EMG1: variants seen among roughly 807,000 people sequenced by gnomAD.
EMG1 encodes the protein ribosomal RNA small subunit methyltransferase NEP1.
In EMG1, 24 loss-of-function variants were observed where a neutral mutation model predicts 26.9. That is an observed-to-expected ratio of 0.89 (90% CI 0.65 to 1.26). The LOEUF (loss-of-function observed/expected upper bound fraction) is 1.26, where lower values mean the gene tolerates loss of function less well. Ranked by LOEUF, EMG1 falls within the 50% of genes most tolerant of loss-of-function variation. The pLI, the probability that EMG1 is intolerant of heterozygous loss-of-function variation, is 0.00. For missense variants in EMG1, 299 were observed against 307.6 expected (o/e 0.97, Z 0.21); for synonymous variants, 140 against 112.6 (o/e 1.24, Z -1.54).
Position 6,975,791 on chromosome 12 carries a change from A to G in EMG1, c.717A>G (p.Glu239=), listed in dbSNP as rs782030358. ...TCAKLTTAFE[E]VWGVI ...CAAAACTTACCACAGCCTTTGAGGA[A>G]GTATGGGGGGTCATTTGACAGTAGT... is the stretch of plus-strand genomic sequence containing the variant. Residue 239 remains glutamate (E), a synonymous_variant, in exon 6 of 6, where the codon GAA becomes GAG. Coordinates refer to ENST00000599672, the MANE Select transcript of EMG1 (RefSeq NM_006331.8). 1 of 1,607,810 alleles carries G rather than the reference A, an allele frequency of 6.2e-7. No individual in the cohort carries two copies. The highest frequency in any genetic ancestry group is 1.1e-5 in the South Asian group (1 of 90,956).
downstream of EMG1, among the ~76,000 whole-genome samples, chr12:6,983,822 C>G (rs1260157886): frequency 1.3e-5 from 2 of 152,160 alleles, no homozygotes; most frequent in Non-Finnish European, 2.9e-5. Context: ...TATTGCCAGA[C>G]ATTTTCTCTT....
At chr12:6,982,388 G>C (rs1472149224), downstream of EMG1, among the ~76,000 whole-genome samples, 1 of 152,120 alleles carries the variant, frequency 6.6e-6, no homozygotes, top group Non-Finnish European at 1.5e-5. Flanking sequence ...GTCTTGCCTT[G>C]AAGTGACTCT....
rs1310150365 is a variant in EMG1, at chr12:6,977,929, G to A, written c.*2120G>A. On this transcript the variant is annotated 3_prime_UTR_variant, in exon 6 of 6. Coordinates refer to ENST00000599672, the MANE Select transcript of EMG1 (RefSeq NM_006331.8). The surrounding 1 kb of genome is among the most constrained non-coding windows in gnomAD (Gnocchi z 4.5). Reference sequence around the variant, plus strand: ...TAGAGATGGAAAGCAGACCCAAGGCGGAGCTGGAGACCGTGTGCGCACGAG... The same window carrying A: ...TAGAGATGGAAAGCAGACCCAAGGCAGAGCTGGAGACCGTGTGCGCACGAG... 3.7e-5 allele frequency: 25 copies of A among 673,192 alleles called. No individual in the cohort carries two copies. Among genetic ancestry groups the A allele is most frequent in the East Asian group, 2.2e-4 (8 of 35,726 alleles). 41.7% of individuals were successfully genotyped at this position (673,192 alleles called of 1,614,324 possible).
At chr12:6,997,423 GTGTGTT>G (rs1946647056) in exon 8 of EMG1, 1 of 145,988 alleles carries the variant, frequency 6.8e-6, no homozygotes, top group African/African-American at 2.8e-5. Context: ...GTGTGTGTGT[GTGTGTT>G]TCAAGACACA....
Position 6,987,447 on chromosome 12 carries a change from A to G in EMG1, c.*155-335A>G, listed in dbSNP as rs1946540546. 6.6e-6 allele frequency among the ~76,000 whole-genome samples: 1 copy of G among 152,234 alleles called. No homozygotes were observed. The highest frequency in any genetic ancestry group is 1.5e-5 in the Non-Finnish European group (1 of 68,024). On this transcript the variant is annotated intron_variant and NMD_transcript_variant, in intron 6 of 7. Coordinates refer to the EMG1 transcript ENST00000261406. This position sits in a 1 kb window ranked among gnomAD's most constrained non-coding sequence, Gnocchi z 4.1. ...GAGCAAGGAAATAGGATCAAGTCTCATATATTTCACATGGGCAGAAATTTG... is the reference window on the plus strand; with the variant it reads ...GAGCAAGGAAATAGGATCAAGTCTCGTATATTTCACATGGGCAGAAATTTG...
chr12:6,981,039 T>G (rs1391679854), downstream of EMG1: 4 of 1,608,446 alleles, frequency 2.5e-6, no homozygotes, highest in Non-Finnish European at 3.4e-6. Context: ...CAATCAGCTC[T>G]CCCTGCACCA....
downstream of EMG1, among the ~76,000 whole-genome samples, chr12:6,988,773 T>C (rs139176842): frequency 8.6e-3 from 1,312 of 152,222 alleles, 14 homozygotes; most frequent in African/African-American, 0.03. Flanking sequence ...AGCTTGGAGA[T>C]TGGGGTTGAT....
downstream of EMG1, among the ~76,000 whole-genome samples, chr12:6,992,043 T>A (rs1372302990): frequency 6.6e-6 from 1 of 151,772 alleles, no homozygotes; most frequent in Non-Finnish European, 1.5e-5. Context: ...AATACAAAAA[T>A]TAGCTGGGTG....
intron 1 of EMG1, among the ~76,000 whole-genome samples, chr12:6,973,240 T>A (rs1946354019): frequency 6.6e-6 from 1 of 152,098 alleles, no homozygotes; most frequent in Admixed American, 6.6e-5. Context: ...CAGTCTTGGC[T>A]CACTGCAATC....
Position 6,975,739 on chromosome 12 carries a change from AC to A in EMG1, c.670del (p.Leu224PhefsTer34). On this transcript the variant is annotated frameshift_variant, in exon 6 of 6. Transcript: ENST00000599672. LOFTEE classifies it high-confidence loss of function. ...GAGAAGATGGTGTCCATCAGTAACT[AC>A]CCCCTTTCTGCTGCCCTCACCTGTG... ...YTEKMVSISNYPLSAALTCAK... is the reference protein window; with the variant it reads ...YTEKMVSISNXPLSAALTCAK... 1 of 1,613,546 alleles carries A rather than the reference AC, an allele frequency of 6.2e-7. No homozygotes were observed. Among genetic ancestry groups the A allele is most frequent in the Middle Eastern group, 1.7e-4 (1 of 6,056 alleles).
At position 6,978,362 on chromosome 12, in the gene EMG1, T is replaced by C; in HGVS notation, c.*2553T>C. On this transcript the variant is annotated 3_prime_UTR_variant, in exon 6 of 6. Transcript: ENST00000599672. ...TCACCGGGCCACCCAGGCGTTGGTG[T>C]TGATGTTGAATGAGGCAATGGTGCC... 6.2e-7 allele frequency: 1 copy of C among 1,612,444 alleles called. No individual in the cohort carries two copies. Among genetic ancestry groups the C allele is most frequent in the African/African-American group, 1.3e-5 (1 of 74,844 alleles).
At chr12:6,985,897 C>T in intron 6 of EMG1, among the ~76,000 whole-genome samples, 1 of 151,374 alleles carries the variant, frequency 6.6e-6, no homozygotes. Flanking sequence ...GCTTCAGCCT[C>T]CCAAGTAGCT....
chr12:6,996,058 TCTCA>T (rs1946633425), intron 7 of EMG1, among the ~76,000 whole-genome samples: 1 of 152,156 alleles, frequency 6.6e-6, no homozygotes, highest in South Asian at 2.1e-4. Flanking sequence ...AGGCCTCTAT[TCTCA>T]CTCAGATCAA....
chr12:6,981,478 A>G, downstream of EMG1: 2 of 1,017,974 alleles, frequency 2.0e-6, no homozygotes. Context: ...GAGATTGCAC[A>G]GGCTGGGGAA....
rs910414704 is a variant in EMG1, at chr12:6,974,350, A to G, written c.180A>G (p.Thr60=). Residue 60 remains threonine (T), a synonymous_variant, in exon 2 of 6, where the codon ACA becomes ACG. Coordinates refer to ENST00000599672, the MANE Select transcript of EMG1 (RefSeq NM_006331.8). ...TCCCTGTTCTTCAGGTAGGGAAGAC[A>G]TATGAGCTACTCAACTGTGACAAGC... ...ASLETVKVGK[T]YELLNCDKHK... 3.1e-6 allele frequency: 5 copies of G among 1,612,242 alleles called. No homozygotes were observed. Among genetic ancestry groups the G allele is most frequent in the Non-Finnish European group, 4.2e-6 (5 of 1,178,652 alleles).
downstream of EMG1, chr12:6,981,301 TG>T: frequency 1.2e-6 from 1 of 821,796 alleles, no homozygotes; most frequent in Non-Finnish European, 1.9e-6. Flanking sequence ...GCCTTCTCTT[TG>T]GGGGATGACA....
In EMG1 at chr12:6,977,449, A is replaced by G. The variant is rs1002601281; in HGVS notation, c.*1640A>G. 6.2e-7 allele frequency: 1 copy of G among 1,614,160 alleles called. No homozygotes were observed. The highest frequency in any genetic ancestry group is 1.7e-5 in the Admixed American group (1 of 60,022). ...GAGCCAGTGGATGGTCTGTTGCACC[A>G]AATAGTAGAAGGGCTGGAGGACAGT... On this transcript the variant is annotated 3_prime_UTR_variant, in exon 6 of 6. Transcript: ENST00000599672. This position sits in a 1 kb window ranked among gnomAD's most constrained non-coding sequence, Gnocchi z 4.5.
rs1363947159 is a variant in EMG1, at chr12:6,974,491, T to C, written c.270+51T>C. On this transcript the variant is annotated intron_variant, in intron 2 of 5. Coordinates refer to ENST00000599672, the MANE Select transcript of EMG1 (RefSeq NM_006331.8). ...CCCTTTGAGCCTCTGTATGGAAGGGTTGGCAGCTGAGTGCTGCCTCTCTTC... is the reference window on the plus strand; with the variant it reads ...CCCTTTGAGCCTCTGTATGGAAGGGCTGGCAGCTGAGTGCTGCCTCTCTTC... 5.0e-6 allele frequency: 8 copies of C among 1,607,294 alleles called. No individual in the cohort carries two copies. In the African/African-American group the frequency reaches 9.4e-5, roughly 19 times the overall value.
At position 6,979,547 on chromosome 12, in the gene EMG1, C is replaced by G; in HGVS notation, c.*3738C>G. The G allele has an allele frequency of 6.2e-7, 1 of 1,614,048 alleles. No homozygotes were observed. Among genetic ancestry groups the G allele is most frequent in the Non-Finnish European group, 8.5e-7 (1 of 1,179,948 alleles). On this transcript the variant is annotated 3_prime_UTR_variant, in exon 6 of 6. Transcript: ENST00000599672. The stretch of plus-strand genomic sequence containing the variant: ...TGTGTAGCCCACTAGGTAGAAAAGG[C>G]CCAGACTCAGGCGCTTGAGAGCAGG...
Sources: gnomAD v4.1 joint callset for allele counts (sites outside exome capture counted in the v4.1 genomes callset) on GRCh38, gnomAD v4.1.1 for gene constraint, Gnocchi (gnomAD v3.1) non-coding constraint, MANE v1.5 for transcripts, NCBI Gene and HGNC (gene_info 2026-07-23, HGNC 2026-07-21) for gene names.